AFG2A: variants seen among roughly 807,000 people sequenced by gnomAD.
The protein encoded by AFG2A is ATPase family gene 2 protein homolog A.
the AFG2A span, among the ~76,000 whole-genome samples, chr4:122,940,141 A>G: frequency 2.0e-5 from 3 of 152,200 alleles, no homozygotes; most frequent in Non-Finnish European, 2.9e-5. Flanking sequence ...CTTTGAGTAT[A>G]TACCCAGTAA....
chr4:123,210,871 C>T, the AFG2A span, among the ~76,000 whole-genome samples: 1 of 151,890 alleles, frequency 6.6e-6, no homozygotes, highest in Admixed American at 6.6e-5. Flanking sequence ...TTTTATCTTC[C>T]AACTTAATTT....
At chr4:123,302,595 G>A in the AFG2A span, among the ~76,000 whole-genome samples, 2 of 148,972 alleles carry the variant, frequency 1.3e-5, no homozygotes, top group Non-Finnish European at 1.5e-5. Context: ...TTTTTTTGGA[G>A]TTGATCGGTA....
chr4:122,993,330 A>G, the AFG2A span, among the ~76,000 whole-genome samples: 1 of 152,134 alleles, frequency 6.6e-6, no homozygotes, highest in African/African-American at 2.4e-5. Context: ...CTTAAGATAT[A>G]TGTAGTTTTA....
At chr4:123,083,350 C>T in the AFG2A span, among the ~76,000 whole-genome samples, 3 of 151,850 alleles carry the variant, frequency 2.0e-5, no homozygotes, top group African/African-American at 7.3e-5. Flanking sequence ...TTTGTTTTTA[C>T]CAATAATGGG....
At chr4:123,308,886 C>G in the AFG2A span, among the ~76,000 whole-genome samples, 2 of 152,198 alleles carry the variant, frequency 1.3e-5, no homozygotes, top group Non-Finnish European at 2.9e-5. Context: ...ACCACTGTTG[C>G]TGCCCTTTGA....
the AFG2A span, among the ~76,000 whole-genome samples, chr4:122,978,284 C>T: frequency 4.6e-5 from 7 of 151,256 alleles, no homozygotes; most frequent in South Asian, 6.3e-4. Context: ...AGAGGAGACC[C>T]GGAGTGGGTA....
chr4:122,989,756 T>A, the AFG2A span, among the ~76,000 whole-genome samples: 1 of 152,214 alleles, frequency 6.6e-6, no homozygotes, highest in Non-Finnish European at 1.5e-5. Flanking sequence ...TTCTTCCATG[T>A]GGACAGTATT....
At chr4:122,967,008 A>G in the AFG2A span, among the ~76,000 whole-genome samples, 1 of 152,220 alleles carries the variant, frequency 6.6e-6, no homozygotes, top group Admixed American at 6.5e-5. Flanking sequence ...GCTTTATGAT[A>G]TAATAATACT....
the AFG2A span, among the ~76,000 whole-genome samples, chr4:123,016,410 C>T: frequency 0.011 from 1,729 of 150,888 alleles, 13 homozygotes; most frequent in Middle Eastern, 0.076. Context: ...TCAGACAGGG[C>T]GGCTGGGCAG....
chr4:123,274,256 T>C, the AFG2A span, among the ~76,000 whole-genome samples: 1 of 152,076 alleles, frequency 6.6e-6, no homozygotes, highest in African/African-American at 2.4e-5. Context: ...AATTGATTGA[T>C]AAAAGAAAAC....
the AFG2A span, among the ~76,000 whole-genome samples, chr4:123,128,428 G>C: frequency 6.6e-6 from 1 of 152,036 alleles, no homozygotes; most frequent in Non-Finnish European, 1.5e-5. Context: ...CTTGAGTCAG[G>C]CTTTTGGTAA....
the AFG2A span, among the ~76,000 whole-genome samples, chr4:122,949,419 A>G: frequency 6.6e-6 from 1 of 152,172 alleles, no homozygotes; most frequent in Non-Finnish European, 1.5e-5. Context: ...CACTATACCA[A>G]GTATCGAAGT....
chr4:123,115,612 C>T, the AFG2A span, among the ~76,000 whole-genome samples: 1,633 of 152,204 alleles, frequency 0.011, 35 homozygotes, highest in South Asian at 0.096. Context: ...TCAGCCCGGC[C>T]CCACCTGAGT....
At chr4:123,256,641 A>G in the AFG2A span, 2 of 923,486 alleles carry the variant, frequency 2.2e-6, no homozygotes, top group Non-Finnish European at 1.3e-6. Context: ...TTGTATCATT[A>G]TCATCTTTTT....
At chr4:122,978,194 C>T in the AFG2A span, among the ~76,000 whole-genome samples, 3 of 152,092 alleles carry the variant, frequency 2.0e-5, no homozygotes, top group African/African-American at 7.2e-5. Flanking sequence ...GAGTGTCCAG[C>T]TCTCAGCAGA....
chr4:122,947,258 T>C, the AFG2A span: 5 of 1,610,902 alleles, frequency 3.1e-6, no homozygotes, highest in Non-Finnish European at 4.2e-6. Context: ...CAAGTGTTGG[T>C]TCTTGGGGCC....
chr4:123,133,115 A>G, the AFG2A span, among the ~76,000 whole-genome samples: 1 of 152,122 alleles, frequency 6.6e-6, no homozygotes, highest in Non-Finnish European at 1.5e-5. Context: ...GCCAACCTAA[A>G]TAGCAGGCAG....
chr4:122,981,463 CT>C, the AFG2A span, among the ~76,000 whole-genome samples: 99,690 of 118,908 alleles, frequency 0.84, 41,493 homozygotes, highest in East Asian at 0.92. Flanking sequence ...ATGCCTACAG[CT>C]TTTTTTTTTT....
the AFG2A span, among the ~76,000 whole-genome samples, chr4:123,008,405 A>T: frequency 1.3e-5 from 2 of 152,230 alleles, no homozygotes; most frequent in Non-Finnish European, 2.9e-5. Context: ...ATCAAATTTC[A>T]GTGAGATTTG....
Sources: allele counts gnomAD v4.1 joint callset (sites outside exome capture counted in the v4.1 genomes callset), GRCh38; gene constraint gnomAD v4.1.1; transcripts MANE v1.5; gene names NCBI Gene and HGNC (gene_info 2026-07-23, HGNC 2026-07-21).